MAD1L1: variants seen among roughly 807,000 people sequenced by gnomAD.
The protein encoded by MAD1L1 is mitotic spindle assembly checkpoint protein MAD1.
In MAD1L1, 95 loss-of-function variants were observed where a neutral mutation model predicts 96.9. That is an observed-to-expected ratio of 0.98 (90% CI 0.83 to 1.16). The LOEUF (loss-of-function observed/expected upper bound fraction) is 1.16. Among genes scored for constraint, MAD1L1 ranks in the 50% most tolerant of loss-of-function variants. The pLI is 0.00. For synonymous variants in MAD1L1, 473 were observed against 396.6 expected (o/e 1.19, Z -2.29); for missense variants, 1,007 against 954.4 (o/e 1.06, Z -0.73).
At chr7:2,223,271 CCT>C (rs1793706635) in intron 4 of MAD1L1, among the ~76,000 whole-genome samples, 1 of 152,162 alleles carries the variant, frequency 6.6e-6, no homozygotes, top group African/African-American at 2.4e-5. Context: ...ACATGCACCC[CCT>C]CTCACACAAA....
chr7:1,847,298 A>G (rs1562451854), intron 18 of MAD1L1: 2 of 470,944 alleles, frequency 4.2e-6, no homozygotes, highest in Non-Finnish European at 8.8e-6. Flanking sequence ...GGACTGCAGG[A>G]GCCGCTGGAT....
In MAD1L1 at chr7:1,936,905, A is replaced by C; in HGVS notation, c.1597-8T>G. The C allele has an allele frequency of 6.3e-7, 1 of 1,581,782 alleles. No individual in the cohort carries two copies. The highest frequency in any genetic ancestry group is 8.6e-7 in the Non-Finnish European group (1 of 1,161,814). On this transcript the variant is annotated splice_region_variant and splice_polypyrimidine_tract_variant and intron_variant, in intron 16 of 18. Coordinates refer to ENST00000265854, the MANE Select transcript of MAD1L1 (RefSeq NM_001013836.2). ...GCTCTGGTCATAGTCACCCTGCAGG[A>C]ACACACACAGCACAGGTCACCATGG... is the stretch of plus-strand genomic sequence containing the variant.
At chr7:2,055,456 A>G (rs959740319) in intron 12 of MAD1L1, among the ~76,000 whole-genome samples, 7 of 152,252 alleles carry the variant, frequency 4.6e-5, no homozygotes, top group African/African-American at 1.7e-4. Context: ...TGGGGACCGC[A>G]GGCTGCACCC....
At chr7:2,127,607 G>GA (rs974596538) in intron 11 of MAD1L1, among the ~76,000 whole-genome samples, 4 of 152,086 alleles carry the variant, frequency 2.6e-5, no homozygotes, top group African/African-American at 4.8e-5. Flanking sequence ...CTAGGGTGGG[G>GA]AAAAAAGGCA....
At chr7:2,143,879 TG>T (rs747442491) in intron 11 of MAD1L1, among the ~76,000 whole-genome samples, 6 of 152,218 alleles carry the variant, frequency 3.9e-5, no homozygotes, top group African/African-American at 9.6e-5. Context: ...GAGCTCCATC[TG>T]CATCCACGGC....
chr7:2,123,067 G>C (rs1033321428), intron 11 of MAD1L1, among the ~76,000 whole-genome samples: 22 of 151,878 alleles, frequency 1.4e-4, no homozygotes, highest in African/African-American at 5.1e-4. Context: ...ACTTTGGGAG[G>C]CCAAGGCAGG....
intron 10 of MAD1L1, among the ~76,000 whole-genome samples, chr7:2,190,322 G>A (rs77946623): frequency 6.6e-6 from 1 of 152,116 alleles, no homozygotes; most frequent in African/African-American, 2.4e-5. Flanking sequence ...GTATTGTGGG[G>A]CAGGAAAGCG....
chr7:1,962,462 C>A (rs1779993231), intron 15 of MAD1L1, among the ~76,000 whole-genome samples: 1 of 152,132 alleles, frequency 6.6e-6, no homozygotes, highest in Non-Finnish European at 1.5e-5. Flanking sequence ...AAAAATTGGA[C>A]TTTATCATAA....
intron 15 of MAD1L1, among the ~76,000 whole-genome samples, chr7:1,964,839 T>C (rs1023195463): frequency 6.6e-6 from 1 of 152,212 alleles, no homozygotes; most frequent in Non-Finnish European, 1.5e-5. Flanking sequence ...AACTAAAAGA[T>C]GCATAATGGG....
At chr7:1,844,304 G>C (rs1783462876) in intron 18 of MAD1L1, 1 of 153,702 alleles carries the variant, frequency 6.5e-6, no homozygotes, top group Non-Finnish European at 1.5e-5. Flanking sequence ...TCATGCTTGA[G>C]GAAGCACTCC....
chr7:2,069,333 C>CG lies in MAD1L1; in HGVS notation c.1078dup (p.Arg360ProfsTer80), dbSNP rs1363009310. 4 of 1,595,232 alleles carry CG rather than the reference C, an allele frequency of 2.5e-6. No homozygotes were observed. The highest frequency in any genetic ancestry group is 2.3e-5 in the East Asian group (1 of 44,282). On this transcript the variant is annotated frameshift_variant, in exon 12 of 19. Coordinates refer to ENST00000265854, the MANE Select transcript of MAD1L1 (RefSeq NM_001013836.2). LOFTEE classifies it high-confidence loss of function. Reference sequence around the variant, plus strand: ...CTGCTGCCTGGCCTTCTCCAGCCCCCGGGCGCTGCATGGGAGAGACAAGAG... The same window carrying CG: ...CTGCTGCCTGGCCTTCTCCAGCCCCCGGGGCGCTGCATGGGAGAGACAAGAG...
intron 10 of MAD1L1, among the ~76,000 whole-genome samples, chr7:2,149,610 C>T (rs1479317932): frequency 2.6e-5 from 4 of 152,174 alleles, no homozygotes; most frequent in Non-Finnish European, 5.9e-5. Flanking sequence ...CTCACCTCTC[C>T]TTCAGAAGAC....
At chr7:2,053,095 C>T (rs1036266069) in intron 12 of MAD1L1, among the ~76,000 whole-genome samples, 1 of 152,236 alleles carries the variant, frequency 6.6e-6, no homozygotes, top group Non-Finnish European at 1.5e-5. Flanking sequence ...TGCTCTGCCA[C>T]TGACAGCTAC....
At chr7:2,048,579 A>G (rs1049250387) in intron 12 of MAD1L1, among the ~76,000 whole-genome samples, 5 of 152,244 alleles carry the variant, frequency 3.3e-5, no homozygotes, top group Non-Finnish European at 7.3e-5. Flanking sequence ...ACCACACTGC[A>G]TAAGGCCTGG....
chr7:2,033,908 T>A (rs903525991), intron 12 of MAD1L1, among the ~76,000 whole-genome samples: 4 of 152,120 alleles, frequency 2.6e-5, no homozygotes, highest in African/African-American at 9.7e-5. Context: ...CTGGGCAACA[T>A]AGTGAGACCC....
intron 10 of MAD1L1, among the ~76,000 whole-genome samples, chr7:2,156,109 C>T (rs1354429472): frequency 6.6e-6 from 1 of 151,336 alleles, no homozygotes; most frequent in Non-Finnish European, 1.5e-5. Flanking sequence ...TTTCACGGCG[C>T]GTGTGGCGAG....
At chr7:2,070,997 G>A (rs1173352124) in intron 11 of MAD1L1, among the ~76,000 whole-genome samples, 1 of 152,102 alleles carries the variant, frequency 6.6e-6, no homozygotes, top group Admixed American at 6.5e-5. Context: ...GGAAGGGAAA[G>A]CTTCATCCCA....
chr7:2,215,802 TG>T, intron 9 of MAD1L1, 82 bp downstream of exon 9: 1 of 1,255,818 alleles, frequency 8.0e-7, no homozygotes, highest in Non-Finnish European at 1.2e-6. Flanking sequence ...GGTGAGCAGC[TG>T]GTGGGCGTGA....
chr7:1,970,358 C>T (rs1274861802), intron 15 of MAD1L1, among the ~76,000 whole-genome samples: 1 of 109,998 alleles, frequency 9.1e-6, no homozygotes, highest in Admixed American at 1.2e-4. Flanking sequence ...TTTTTTGAGA[C>T]AGTCTCACTC....
Sources: allele counts gnomAD v4.1 joint callset (sites outside exome capture counted in the v4.1 genomes callset), GRCh38; gene constraint gnomAD v4.1.1; transcripts MANE v1.5; gene names NCBI Gene and HGNC (gene_info 2026-07-23, HGNC 2026-07-21).